The following GRIP1 variants were observed in gnomAD, a reference collection of about 807,000 sequenced individuals.
The protein encoded by GRIP1 is glutamate receptor-interacting protein 1.
In GRIP1, 45 loss-of-function variants were observed where a neutral mutation model predicts 129.9. The observed-to-expected ratio is 0.35, with a 90% CI of 0.27 to 0.44. The LOEUF is 0.44. Among genes scored for constraint, GRIP1 ranks in the 20% least tolerant of loss-of-function variants. The probability of loss-of-function intolerance (pLI) is 1.00; values close to 1 mark genes in which losing one functional copy is unlikely to be tolerated. For synonymous variants in GRIP1, 530 were observed against 520.8 expected, an observed-to-expected ratio of 1.02 and a Z score of -0.24; for missense variants, 1,196 against 1,396.8, an observed-to-expected ratio of 0.86 and a Z score of 2.29.
At chr12:66,591,986 T>C (rs994208343) in intron 2 of GRIP1, among the ~76,000 whole-genome samples, 4 of 152,110 alleles carry the variant, frequency 2.6e-5, no homozygotes, top group Admixed American at 6.5e-5. Context: ...AACCAGGCAT[T>C]TACACACCTG....
chr12:66,784,182 G>A (rs2038246062), intron 1 of GRIP1, among the ~76,000 whole-genome samples: 1 of 152,016 alleles, frequency 6.6e-6, no homozygotes, highest in African/African-American at 2.4e-5. Flanking sequence ...GGAGGATTGA[G>A]CATAAATGAT....
intron 1 of GRIP1, among the ~76,000 whole-genome samples, chr12:66,774,410 A>C (rs548887601): frequency 5.3e-5 from 8 of 152,344 alleles, no homozygotes; most frequent in Admixed American, 2.0e-4. Context: ...ACACAACTGA[A>C]TTAATGTGTT....
chr12:67,029,679 T>C (rs2042993042), intron 1 of GRIP1, among the ~76,000 whole-genome samples: 1 of 151,894 alleles, frequency 6.6e-6, no homozygotes, highest in South Asian at 2.1e-4. Flanking sequence ...GATATAACAT[T>C]GCTTTGACTT....
chr12:66,701,238 C>T (rs115622096), intron 1 of GRIP1, among the ~76,000 whole-genome samples: 1,965 of 152,250 alleles, frequency 0.013, 41 homozygotes, highest in African/African-American at 0.044. Flanking sequence ...CCTCACCTTA[C>T]CCCTTCCTCC....
intron 1 of GRIP1, among the ~76,000 whole-genome samples, chr12:66,849,551 A>T (rs1282240504): frequency 6.6e-6 from 1 of 152,020 alleles, no homozygotes; most frequent in African/African-American, 2.4e-5. Context: ...GGAGGTCAAG[A>T]CTTGCAGTGA....
chr12:66,714,871 T>C (rs1010689596), intron 1 of GRIP1, among the ~76,000 whole-genome samples: 6 of 142,262 alleles, frequency 4.2e-5, no homozygotes, highest in Non-Finnish European at 3.0e-5. Flanking sequence ...CTCACCCATC[T>C]ATCCATTCAA....
At chr12:67,011,995 T>C (rs938283830) in intron 1 of GRIP1, among the ~76,000 whole-genome samples, 3 of 152,188 alleles carry the variant, frequency 2.0e-5, no homozygotes, top group African/African-American at 7.2e-5. Flanking sequence ...ATCTCTGTAC[T>C]AGACTCTAAG....
At chr12:66,610,077 T>C (rs2064723277) in intron 1 of GRIP1, among the ~76,000 whole-genome samples, 1 of 152,120 alleles carries the variant, frequency 6.6e-6, no homozygotes, top group African/African-American at 2.4e-5. Flanking sequence ...CCCCATTATA[T>C]TTTGAAACAT....
At chr12:66,548,734 T>A (rs767023429) in intron 2 of GRIP1, among the ~76,000 whole-genome samples, 3 of 152,174 alleles carry the variant, frequency 2.0e-5, no homozygotes, top group African/African-American at 7.2e-5. Context: ...TTGGTGGATG[T>A]TGACATCTGT....
intron 1 of GRIP1, among the ~76,000 whole-genome samples, chr12:67,039,255 C>G (rs1465063939): frequency 2.6e-5 from 4 of 152,098 alleles, no homozygotes; most frequent in Non-Finnish European, 5.9e-5. Flanking sequence ...TACTTAAATA[C>G]CTTGCTTATC....
intron 1 of GRIP1, among the ~76,000 whole-genome samples, chr12:66,803,298 A>G (rs967629586): frequency 1.3e-5 from 2 of 152,198 alleles, no homozygotes; most frequent in Admixed American, 1.3e-4. Context: ...GGCACATCAT[A>G]AACTCAGTGA....
chr12:66,538,773 T>G (rs2061682245), intron 4 of GRIP1, among the ~76,000 whole-genome samples: 1 of 151,290 alleles, frequency 6.6e-6, no homozygotes, highest in South Asian at 2.1e-4. Context: ...CGACTAATTT[T>G]TCTATTTTTT....
rs553563711 is a variant in GRIP1 at position 66,429,134 on chromosome 12, T to G, written c.1768+3414A>C. On this transcript the variant is annotated intron_variant, in intron 14 of 24. Coordinates refer to ENST00000359742, the MANE Select transcript of GRIP1 (RefSeq NM_001366722.1). ...CTGAAACTGCTCACTGTGTCTAAAA[T>G]CAGACAGACTCATTTCTCAGTCAAT... is the stretch of plus-strand genomic sequence containing the variant. Among the ~76,000 whole-genome samples the G allele has an allele frequency of 1.8e-4, 28 of 152,310 alleles. No individual in the cohort carries two copies. The South Asian group carries it at 5.4e-3, about 29-fold the overall frequency.
At chr12:67,047,476 C>A (rs907775110) in intron 1 of GRIP1, among the ~76,000 whole-genome samples, 1 of 151,990 alleles carries the variant, frequency 6.6e-6, no homozygotes, top group Admixed American at 6.6e-5. Context: ...CCTTTTTATA[C>A]CCAAAATTTA....
intron 22 of GRIP1, among the ~76,000 whole-genome samples, chr12:66,375,504 C>A (rs1244809681): frequency 6.6e-6 from 1 of 152,146 alleles, no homozygotes; most frequent in Non-Finnish European, 1.5e-5. Flanking sequence ...GAATGGGGTT[C>A]ATTTAAACCA....
chr12:66,831,752 T>A (rs146606808), intron 1 of GRIP1, among the ~76,000 whole-genome samples: 20 of 152,280 alleles, frequency 1.3e-4, no homozygotes, highest in South Asian at 1.0e-3. Context: ...ACGAGCACGG[T>A]ACAAAACCCA....
At chr12:66,694,703 T>G (rs191780904) in intron 1 of GRIP1, among the ~76,000 whole-genome samples, 5 of 152,322 alleles carry the variant, frequency 3.3e-5, no homozygotes, top group Non-Finnish European at 5.9e-5. Flanking sequence ...TTCTGAGGTC[T>G]AATATTCTTC....
intron 1 of GRIP1, among the ~76,000 whole-genome samples, chr12:66,901,345 G>T (rs1363392144): frequency 2.0e-5 from 3 of 152,188 alleles, no homozygotes; most frequent in African/African-American, 7.2e-5. Context: ...GCAGAAGTAG[G>T]CCTAAGACTT....
At chr12:66,554,520 G>A (rs1380318723) in intron 2 of GRIP1, among the ~76,000 whole-genome samples, 5 of 152,134 alleles carry the variant, frequency 3.3e-5, no homozygotes, top group Admixed American at 2.0e-4. Context: ...CAGAGGAAGA[G>A]TGAAGGGGAC....
Sources: allele counts gnomAD v4.1 joint callset (sites outside exome capture counted in the v4.1 genomes callset), GRCh38; gene constraint gnomAD v4.1.1; transcripts MANE v1.5; gene names NCBI Gene and HGNC (gene_info 2026-07-23, HGNC 2026-07-21).